The following MCHR2 variants were observed in gnomAD, a reference collection of about 807,000 sequenced individuals.
MCHR2 encodes the protein melanin-concentrating hormone receptor 2.
A neutral mutation model predicts 24.8 loss-of-function variants in MCHR2; 15 were observed. The ratio of observed to expected loss-of-function variants is 0.60; its 90% CI spans 0.40 to 0.93. The LOEUF is 0.93. Ranked by LOEUF, MCHR2 falls within the 40% of genes least tolerant of loss-of-function variation. The pLI, the probability that MCHR2 is intolerant of heterozygous loss-of-function variation, is 0.00. For missense variants in MCHR2, 386 were observed against 408.7 expected, an observed-to-expected ratio of 0.94 and a Z score of 0.48; for synonymous variants, 151 against 147.6, an observed-to-expected ratio of 1.02 and a Z score of -0.17.
intron 1 of MCHR2, among the ~76,000 whole-genome samples, chr6:99,980,000 G>A (rs1479219873): frequency 6.6e-6 from 1 of 152,170 alleles, no homozygotes; most frequent in Non-Finnish European, 1.5e-5. Context: ...AGAGTTGTTT[G>A]TTGTTGAAAT....
At chr6:99,937,398 T>A (rs904588870) in intron 4 of MCHR2, among the ~76,000 whole-genome samples, 2 of 151,966 alleles carry the variant, frequency 1.3e-5, no homozygotes, top group African/African-American at 4.8e-5. Flanking sequence ...ACCAGTTTGA[T>A]GAGGGTTTTA....
chr6:99,953,754 A>G (rs533874354), intron 2 of MCHR2, among the ~76,000 whole-genome samples: 1 of 152,150 alleles, frequency 6.6e-6, no homozygotes, highest in African/African-American at 2.4e-5. Flanking sequence ...TTACTAATAG[A>G]TATTGAATTG....
chr6:99,947,789 G>A lies in MCHR2; in HGVS notation c.365C>T (p.Ala122Val), dbSNP rs754781832. ...LDTCNQFACS[A>V]IMTVMSVDRY... ...GTCCACACTCATTACAGTCATGATGGCACTACAGGCAAATTGGTTACAAGT... is the reference window on the plus strand; with the variant it reads ...GTCCACACTCATTACAGTCATGATGACACTACAGGCAAATTGGTTACAAGT... The change falls in exon 3 of 6, where the codon GCC becomes GTC. Residue 122 changes from alanine to valine, a missense_variant. Transcript: ENST00000281806. The A allele has an allele frequency of 4.3e-6, 7 of 1,613,562 alleles. No homozygotes were observed. Among genetic ancestry groups the A allele is most frequent in the Admixed American group, 1.7e-5 (1 of 59,950 alleles).
intron 1 of MCHR2, among the ~76,000 whole-genome samples, chr6:99,973,204 C>T (rs556451219): frequency 0.019 from 2,888 of 151,774 alleles, 33 homozygotes; most frequent in Middle Eastern, 0.048. Context: ...GTCTAAGTCT[C>T]TTTGTAGGTC....
At chr6:99,981,239 G>C (rs1231162744) in intron 1 of MCHR2, among the ~76,000 whole-genome samples, 1 of 152,184 alleles carries the variant, frequency 6.6e-6, no homozygotes. Flanking sequence ...TGTCTATCAT[G>C]TAACATTCTA....
At chr6:99,961,744 A>G (rs1372252835) in intron 1 of MCHR2, among the ~76,000 whole-genome samples, 1 of 152,084 alleles carries the variant, frequency 6.6e-6, no homozygotes, top group Non-Finnish European at 1.5e-5. Flanking sequence ...ATTAGGATAA[A>G]TACCTAATGT....
chr6:99,948,158 C>G (rs557908119), intron 2 of MCHR2, among the ~76,000 whole-genome samples, 187 bp from the exon 3 acceptor site: 1 of 152,240 alleles, frequency 6.6e-6, no homozygotes, highest in Non-Finnish European at 1.5e-5. Flanking sequence ...TATTTGATAA[C>G]TTACTGTGGT....
rs1034038685 is a variant in MCHR2 at position 99,930,339 on chromosome 6, G to T, written c.707+4059C>A. ...GTCTTGGAGTTGCTCTTCTCAAGGA[G>T]TATCTTTGTGGCGTTCTCTGTATTT... is the stretch of plus-strand genomic sequence containing the variant. On this transcript the variant is annotated intron_variant, in intron 5 of 5. Coordinates refer to ENST00000281806, the MANE Select transcript of MCHR2 (RefSeq NM_001040179.2). Among the ~76,000 whole-genome samples, 13 of 152,244 alleles carry T rather than the reference G, an allele frequency of 8.5e-5. 1 individual carries two copies. The East Asian group carries it at 2.1e-3, about 25-fold the overall frequency.
chr6:99,969,473 CAAAAAA>C (rs1214316677), intron 1 of MCHR2, among the ~76,000 whole-genome samples: 3 of 76,830 alleles, frequency 3.9e-5, no homozygotes, highest in Non-Finnish European at 7.1e-5. Context: ...GACTCCATCT[CAAAAAA>C]AAAAAAAAAA....
intron 5 of MCHR2, among the ~76,000 whole-genome samples, chr6:99,932,664 C>T (rs188467213): frequency 6.6e-5 from 10 of 152,174 alleles, no homozygotes; most frequent in Non-Finnish European, 4.4e-5. Context: ...GATACAATAT[C>T]AGGCGAACTC....
chr6:99,948,023 T>G, intron 2 of MCHR2, 52 bp from the exon 3 acceptor site: 1 of 1,486,506 alleles, frequency 6.7e-7, no homozygotes, highest in Non-Finnish European at 9.3e-7. Flanking sequence ...TACAGACTAT[T>G]CGATATATGC....
rs1334590377 is a variant in MCHR2, at chr6:99,919,314, A to G, written c.*1626T>C. ...TTCTGAAATGGTGCCTAAAAATTCT[A>G]GAGTAAAATAAATAGGGTTAAAAAT... On this transcript the variant is annotated 3_prime_UTR_variant, in exon 6 of 6. Transcript: ENST00000281806. Among the ~76,000 whole-genome samples, 1 of 152,240 alleles carries G rather than the reference A, an allele frequency of 6.6e-6. No homozygotes were observed. The highest frequency in any genetic ancestry group is 1.5e-5 in the Non-Finnish European group (1 of 68,038).
chr6:99,931,619 G>C (rs541578097), intron 5 of MCHR2, among the ~76,000 whole-genome samples: 23 of 152,242 alleles, frequency 1.5e-4, no homozygotes, highest in Non-Finnish European at 2.6e-4. Flanking sequence ...GCGAGACTCT[G>C]TGGGCGTAGG....
chr6:99,940,089 G>T (rs569830546), intron 4 of MCHR2, among the ~76,000 whole-genome samples: 1 of 151,602 alleles, frequency 6.6e-6, no homozygotes, highest in East Asian at 1.9e-4. Context: ...GATTTTGTTT[G>T]GTGTTCTCTG....
intron 1 of MCHR2, among the ~76,000 whole-genome samples, chr6:99,984,541 T>C (rs1215401244): frequency 6.6e-6 from 1 of 152,086 alleles, no homozygotes; most frequent in Non-Finnish European, 1.5e-5. Flanking sequence ...AGTTCTTTCA[T>C]ATGTGACTCA....
chr6:99,950,871 C>T (rs1195325845), intron 2 of MCHR2, among the ~76,000 whole-genome samples: 2 of 152,270 alleles, frequency 1.3e-5, no homozygotes, highest in Admixed American at 1.3e-4. Flanking sequence ...ACTAACAAAA[C>T]ATAACACTAC....
At chr6:99,928,987 T>G (rs1010224731) in intron 5 of MCHR2, among the ~76,000 whole-genome samples, 3 of 152,170 alleles carry the variant, frequency 2.0e-5, no homozygotes, top group African/African-American at 7.2e-5. Flanking sequence ...TGCTATAAAT[T>G]TCCCTCTACA....
intron 5 of MCHR2, among the ~76,000 whole-genome samples, chr6:99,921,834 GT>G (rs1202369937): frequency 4.6e-5 from 7 of 151,964 alleles, no homozygotes; most frequent in African/African-American, 1.7e-4. Flanking sequence ...GAGTAAAATT[GT>G]TTTGATTTTT....
chr6:99,971,564 C>T (rs1011821793), intron 1 of MCHR2, among the ~76,000 whole-genome samples: 16 of 152,132 alleles, frequency 1.1e-4, no homozygotes, highest in African/African-American at 1.2e-4. Flanking sequence ...CCTTCTCCTG[C>T]CTCATTGCCC....
Sources: allele counts gnomAD v4.1 joint callset (sites outside exome capture counted in the v4.1 genomes callset), GRCh38; gene constraint gnomAD v4.1.1; transcripts MANE v1.5; gene names NCBI Gene and HGNC (gene_info 2026-07-23, HGNC 2026-07-21).